GOLGA3: variants seen among roughly 807,000 people sequenced by gnomAD.
GOLGA3 encodes golgin subfamily A member 3.
A neutral mutation model predicts 169.4 loss-of-function variants in GOLGA3; 75 were observed. The observed-to-expected ratio is 0.44, with a 90% confidence interval of 0.37 to 0.54. The LOEUF (loss-of-function observed/expected upper bound fraction) is 0.54, where lower values mean the gene tolerates loss of function less well. GOLGA3 is among the 20% of genes least tolerant of loss of function. GOLGA3 has a pLI of 0.00. For synonymous variants in GOLGA3, 824 were observed against 822.4 expected (o/e 1.00, Z -0.03); for missense variants, 1,899 against 1,930.0 (o/e 0.98, Z 0.30).
At chr12:132,821,726 C>G (rs1012978517) in intron 2 of GOLGA3, among the ~76,000 whole-genome samples, 1 of 147,360 alleles carries the variant, frequency 6.8e-6, no homozygotes, top group African/African-American at 2.5e-5. Context: ...CGGTGGCGGG[C>G]GCCTGTAATC....
chr12:132,780,775 G>T, intron 18 of GOLGA3, 23 bp downstream of exon 18: 2 of 1,475,478 alleles, frequency 1.4e-6, no homozygotes, highest in Non-Finnish European at 1.9e-6. Context: ...GGAACGCCCT[G>T]TGAGACGGAA....
rs2044971667 is a variant in GOLGA3, at chr12:132,772,798, G to A, written c.*307C>T. 3.9e-6 allele frequency: 1 copy of A among 254,790 alleles called. No homozygotes were observed. Among genetic ancestry groups the A allele is most frequent in the Non-Finnish European group, 7.6e-6 (1 of 132,352 alleles). The allele number at this position is 254,790 out of a possible 1,614,324, so 15.8% of individuals were successfully genotyped here. ...GTTACGCAGCCTCTCCCTGTCACCC[G>A]CAGAGAGCAGCATCGGTGGCCGCTC... is the stretch of plus-strand genomic sequence containing the variant. On this transcript the variant is annotated 3_prime_UTR_variant, in exon 24 of 24. Coordinates refer to ENST00000450791, the MANE Select transcript of GOLGA3 (RefSeq NM_001389683.1).
At chr12:132,786,600 G>T (rs374449071) in intron 14 of GOLGA3, 45 bp from the exon 15 acceptor site, 15 of 1,599,208 alleles carry the variant, frequency 9.4e-6, no homozygotes, top group Non-Finnish European at 6.8e-6. Flanking sequence ...GAATTATCCC[G>T]ATGTGACCGT....
chr12:132,801,621 A>C, intron 8 of GOLGA3, 146 bp downstream of exon 8: 2 of 769,626 alleles, frequency 2.6e-6, no homozygotes, highest in South Asian at 3.2e-5. Flanking sequence ...GACACGTCCT[A>C]CATGGGACAC....
intron 11 of GOLGA3, among the ~76,000 whole-genome samples, chr12:132,791,601 G>C (rs957654342): frequency 6.6e-6 from 1 of 150,460 alleles, no homozygotes; most frequent in Non-Finnish European, 1.5e-5. Flanking sequence ...CATCTGCAGA[G>C]TTGTTACACT....
chr12:132,780,879 ATCC>A lies in GOLGA3; in HGVS notation c.3498_3500del (p.Glu1166del), dbSNP rs777959820. 6.2e-7 allele frequency: 1 copy of A among 1,612,200 alleles called. No individual in the cohort carries two copies. Among genetic ancestry groups the A allele is most frequent in the Non-Finnish European group, 8.5e-7 (1 of 1,179,982 alleles). ...CCTGGACAAGATGCTTCATCTGGCG[ATCC>A]TCCTCTTCTTTGCGCTGCAAAACTG... On this transcript the variant is annotated inframe_deletion, in exon 18 of 24. Coordinates refer to ENST00000450791, the MANE Select transcript of GOLGA3 (RefSeq NM_001389683.1).
intron 7 of GOLGA3, 118 bp from the exon 8 acceptor site, chr12:132,802,087 C>T (rs1264804932): frequency 1.3e-5 from 10 of 746,020 alleles, no homozygotes; most frequent in South Asian, 5.1e-5. Context: ...GAGTCAGTTC[C>T]GGTTATTCCC....
intron 18 of GOLGA3, among the ~76,000 whole-genome samples, chr12:132,780,282 G>A (rs374289225): frequency 2.6e-5 from 4 of 152,172 alleles, no homozygotes; most frequent in Admixed American, 1.3e-4. Context: ...CAGGTATGGC[G>A]GAGGTAGCCA....
At chr12:132,787,676 C>T (rs2045980372) in intron 13 of GOLGA3, among the ~76,000 whole-genome samples, 1 of 95,244 alleles carries the variant, frequency 1.0e-5, no homozygotes, top group Non-Finnish European at 2.3e-5. Flanking sequence ...GACCCCTCCC[C>T]GGAGACCCCG....
chr12:132,779,215 G>A (rs755877793), intron 18 of GOLGA3, among the ~76,000 whole-genome samples: 11 of 152,112 alleles, frequency 7.2e-5, no homozygotes, highest in Non-Finnish European at 1.3e-4. Context: ...GAGTAGCTGG[G>A]ACTACAGGCA....
At chr12:132,785,812 C>T (rs1020621784) in intron 15 of GOLGA3, among the ~76,000 whole-genome samples, 9 of 152,212 alleles carry the variant, frequency 5.9e-5, no homozygotes, top group South Asian at 2.1e-4. Context: ...CGAAAGGTGA[C>T]AGAGCACGGA....
At chr12:132,811,794 G>A (rs991016270) in intron 4 of GOLGA3, 6 of 898,664 alleles carry the variant, frequency 6.7e-6, no homozygotes, top group Non-Finnish European at 8.0e-6. Context: ...AACCTTAAAG[G>A]TATAAGAAGA....
chr12:132,782,267 G>A (rs372845890), intron 17 of GOLGA3, 29 bp downstream of exon 17: 2 of 1,557,688 alleles, frequency 1.3e-6, no homozygotes, highest in African/African-American at 2.7e-5. Context: ...TCACACCGTT[G>A]CTGGCGTGAG....
intron 2 of GOLGA3, among the ~76,000 whole-genome samples, chr12:132,820,730 G>A (rs1303355485): frequency 1.3e-5 from 2 of 152,128 alleles, no homozygotes; most frequent in African/African-American, 2.4e-5. Context: ...ATAACACTGT[G>A]CTCCGTAATC....
Position 132,772,499 on chromosome 12 carries a change from G to A in GOLGA3, c.*606C>T, listed in dbSNP as rs1176056112. On this transcript the variant is annotated 3_prime_UTR_variant, in exon 24 of 24. Coordinates refer to ENST00000450791, the MANE Select transcript of GOLGA3 (RefSeq NM_001389683.1). Reference sequence around the variant, plus strand: ...GCGGAGCTTGCAGTGAGCGGAGAGTGTGCCACTGCACTCCAGCCTGGGCAA... The same window carrying A: ...GCGGAGCTTGCAGTGAGCGGAGAGTATGCCACTGCACTCCAGCCTGGGCAA... The A allele has an allele frequency of 7.6e-6, 1 of 131,500 alleles. No individual in the cohort carries two copies. Among genetic ancestry groups the A allele is most frequent in the Non-Finnish European group, 1.6e-5 (1 of 64,264 alleles). The allele number at this position is 131,500 out of a possible 1,614,324, so 8.1% of individuals were successfully genotyped here.
chr12:132,788,947 C>CCAGACACAGGCCCCGCCA, intron 13 of GOLGA3, 80 bp downstream of exon 13: 1 of 1,293,320 alleles, frequency 7.7e-7, no homozygotes, highest in African/African-American at 1.5e-5. Context: ...AGGCCCCGCC[C>CCAGACACAGGCCCCGCCA]CAGACACAGG....
rs552437086 is a variant in GOLGA3, at chr12:132,774,142, G to T, written c.4307+15C>A. 4.5e-6 allele frequency: 7 copies of T among 1,562,532 alleles called. No individual in the cohort carries two copies. In the Admixed American group the frequency reaches 7.6e-5, roughly 17 times the overall value. ...TTTAAGACTAGCTGAAGTGCAGCAC[G>T]GAATACGGTCGTACTTGAGCTGCTG... On this transcript the variant is annotated intron_variant, in intron 23 of 23. Transcript: ENST00000450791.
rs1389886074 is a variant in GOLGA3, at chr12:132,804,827, C to T, written c.1486G>A (p.Ala496Thr). Residue 496 changes from alanine to threonine, a missense_variant, in exon 7 of 24, where the codon GCC becomes ACC. Coordinates refer to ENST00000450791, the MANE Select transcript of GOLGA3 (RefSeq NM_001389683.1). The surrounding 1 kb of genome is among the most constrained non-coding windows in gnomAD (Gnocchi z 4.1). ...DLQNMLEAKN[A>T]SLASSNNDLQ... ...TCGTTGTTGGACGACGCCAGGCTGG[C>T]ATTTTTTGCCTCCAGCATGTTCTGC... is the stretch of plus-strand genomic sequence containing the variant. 2 of 1,614,078 alleles carry T rather than the reference C, an allele frequency of 1.2e-6. No homozygotes were observed. The highest frequency in any genetic ancestry group is 1.3e-5 in the African/African-American group (1 of 74,942).
At chr12:132,775,341 AG>A in intron 21 of GOLGA3, 36 bp from the exon 22 acceptor site, 1 of 1,571,708 alleles carries the variant, frequency 6.4e-7, no homozygotes, top group Non-Finnish European at 8.7e-7. Context: ...AAAAGCTAAC[AG>A]ATCTTAAACA....
Sources: allele counts gnomAD v4.1 joint callset (sites outside exome capture counted in the v4.1 genomes callset), GRCh38; gene constraint gnomAD v4.1.1; non-coding constraint Gnocchi (gnomAD v3.1); transcripts MANE v1.5; gene names NCBI Gene and HGNC (gene_info 2026-07-23, HGNC 2026-07-21).